SCAPER: variants seen among roughly 807,000 people sequenced by gnomAD.
SCAPER encodes the protein S phase cyclin A-associated protein in the endoplasmic reticulum.
A neutral mutation model predicts 182.2 loss-of-function variants in SCAPER; 98 were observed. The observed-to-expected ratio is 0.54, with a 90% CI of 0.46 to 0.64. SCAPER has a LOEUF of 0.64. SCAPER is among the 30% of genes least tolerant of loss of function. The pLI is 0.00. For synonymous variants in SCAPER, 605 were observed against 564.6 expected, an observed-to-expected ratio of 1.07 and a Z score of -1.01; for missense variants, 1,432 against 1,690.0, an observed-to-expected ratio of 0.85 and a Z score of 2.68.
intron 14 of SCAPER, among the ~76,000 whole-genome samples, chr15:76,762,151 A>G (rs964538842): frequency 2.0e-5 from 3 of 152,134 alleles, no homozygotes; most frequent in African/African-American, 2.4e-5. Flanking sequence ...TGTTCAGCCA[A>G]GTCTGTTCAA....
chr15:76,841,334 C>T (rs1159169030), intron 5 of SCAPER, among the ~76,000 whole-genome samples: 3 of 152,158 alleles, frequency 2.0e-5, no homozygotes, highest in Middle Eastern at 3.4e-3. Flanking sequence ...TTTATTACAA[C>T]TAGAAAAAGT....
At chr15:76,654,738 G>T (rs2055478141) in intron 21 of SCAPER, among the ~76,000 whole-genome samples, 1 of 152,208 alleles carries the variant, frequency 6.6e-6, no homozygotes, top group African/African-American at 2.4e-5. Flanking sequence ...CAGGCATCCT[G>T]CTTTCCCTGG....
chr15:76,660,934 A>G (rs2056102092), intron 21 of SCAPER, among the ~76,000 whole-genome samples: 1 of 152,158 alleles, frequency 6.6e-6, no homozygotes. Context: ...AGCAAGAAAT[A>G]AGTAAAAATG....
intron 23 of SCAPER, among the ~76,000 whole-genome samples, chr15:76,512,812 A>G (rs1423466045): frequency 1.3e-5 from 2 of 151,088 alleles, no homozygotes; most frequent in Admixed American, 1.3e-4. Context: ...CCAACTTTTT[A>G]CTAATGTACT....
At chr15:76,762,371 T>TTG (rs1379946520) in intron 14 of SCAPER, among the ~76,000 whole-genome samples, 2 of 151,578 alleles carry the variant, frequency 1.3e-5, no homozygotes, top group Non-Finnish European at 2.9e-5. Context: ...TGTGGGCTTT[T>TTG]TTTTTTTTTT....
chr15:76,459,063 T>C (rs2048955129), intron 25 of SCAPER, among the ~76,000 whole-genome samples: 1 of 151,880 alleles, frequency 6.6e-6, no homozygotes. Context: ...CCTGGCAAAT[T>C]CTTTTTTATT....
chr15:76,521,517 A>C (rs1208596040), intron 23 of SCAPER, among the ~76,000 whole-genome samples: 1 of 152,172 alleles, frequency 6.6e-6, no homozygotes, highest in African/African-American at 2.4e-5. Flanking sequence ...CTGAAGTGAT[A>C]AGAAGAGTTA....
intron 21 of SCAPER, among the ~76,000 whole-genome samples, chr15:76,653,338 C>CA (rs2055335463): frequency 6.6e-6 from 1 of 152,170 alleles, no homozygotes. Flanking sequence ...CTGCCAATGT[C>CA]ATTCTTCACA....
At chr15:76,763,379 T>C (rs1378863726) in intron 14 of SCAPER, among the ~76,000 whole-genome samples, 1 of 152,082 alleles carries the variant, frequency 6.6e-6, no homozygotes, top group Non-Finnish European at 1.5e-5. Flanking sequence ...TTCCCTTGTA[T>C]GAGATGAGTT....
At chr15:76,545,526 A>G (rs1385832656) in intron 23 of SCAPER, among the ~76,000 whole-genome samples, 1 of 152,210 alleles carries the variant, frequency 6.6e-6, no homozygotes, top group Non-Finnish European at 1.5e-5. Context: ...CATTGAGAGT[A>G]ACTGGGACCA....
At chr15:76,784,140 G>C (rs551171435) in intron 8 of SCAPER, among the ~76,000 whole-genome samples, 2 of 152,128 alleles carry the variant, frequency 1.3e-5, no homozygotes, top group African/African-American at 4.8e-5. Context: ...AAAACCCATC[G>C]TCTCTGCCCA....
chr15:76,609,500 TA>T (rs558280212), intron 22 of SCAPER, among the ~76,000 whole-genome samples: 11 of 150,228 alleles, frequency 7.3e-5, no homozygotes, highest in Admixed American at 1.3e-4. Context: ...AGGTGTCACT[TA>T]AAAAAAAAAT....
chr15:76,667,626 A>T (rs1420230051), intron 20 of SCAPER, among the ~76,000 whole-genome samples: 2 of 14,456 alleles, frequency 1.4e-4, no homozygotes, highest in Non-Finnish European at 3.0e-4. Flanking sequence ...ACTCAGTCTC[A>T]AAAAAAAAAA....
chr15:76,812,650 T>C (rs973328932), intron 5 of SCAPER, among the ~76,000 whole-genome samples: 5 of 151,922 alleles, frequency 3.3e-5, no homozygotes, highest in Non-Finnish European at 4.4e-5. Context: ...TAAAAGATCA[T>C]AAAAGTTGAT....
At chr15:76,438,908 A>G (rs1213454232) in intron 25 of SCAPER, among the ~76,000 whole-genome samples, 5 of 152,130 alleles carry the variant, frequency 3.3e-5, no homozygotes, top group East Asian at 1.9e-4. Context: ...GTCTCAAAGG[A>G]CATTTTATTC....
intron 22 of SCAPER, among the ~76,000 whole-genome samples, chr15:76,576,273 A>C (rs545468699): frequency 1.7e-4 from 26 of 152,298 alleles, no homozygotes; most frequent in African/African-American, 6.0e-4. Context: ...TTGAGGTGCG[A>C]GGACTGCTTA....
At chr15:76,539,545 C>CTTTTTTT (rs36086361) in intron 23 of SCAPER, among the ~76,000 whole-genome samples, 8 of 119,396 alleles carry the variant, frequency 6.7e-5, no homozygotes, top group Non-Finnish European at 1.0e-4. Flanking sequence ...ATCAAAATTT[C>CTTTTTTT]TTTTTTTTTT....
intron 26 of SCAPER, among the ~76,000 whole-genome samples, chr15:76,418,415 C>T (rs1461906258): frequency 7.2e-5 from 11 of 152,196 alleles, no homozygotes; most frequent in Admixed American, 6.5e-4. Flanking sequence ...CTCATAGGAC[C>T]CAAATCTAGT....
chr15:76,377,587 T>C (rs566559287), intron 28 of SCAPER, among the ~76,000 whole-genome samples: 169 of 152,324 alleles, frequency 1.1e-3, no homozygotes, highest in Non-Finnish European at 2.1e-3. Context: ...CCACCTTCAA[T>C]TGTAAAAACT....
Sources: gnomAD v4.1 joint callset for allele counts (sites outside exome capture counted in the v4.1 genomes callset) on GRCh38, gnomAD v4.1.1 for gene constraint, MANE v1.5 for transcripts, NCBI Gene and HGNC (gene_info 2026-07-23, HGNC 2026-07-21) for gene names.